Variants in CEP76 observed in about 807,000 individuals in gnomAD.
The protein encoded by CEP76 is centrosomal protein 76, also known as centrosomal protein of 76 kDa.
In CEP76, 55 loss-of-function variants were observed where a neutral mutation model predicts 83.3. The observed-to-expected ratio is 0.66, with a 90% CI of 0.53 to 0.83. The LOEUF is 0.83. CEP76 is among the 40% of genes least tolerant of loss of function. The pLI is 0.00. For missense variants in CEP76, 694 were observed against 799.5 expected, an observed-to-expected ratio of 0.87 and a Z score of 1.59; for synonymous variants, 270 against 274.5, an observed-to-expected ratio of 0.98 and a Z score of 0.16.
chr18:12,702,569 C>G lies in CEP76; in HGVS notation c.-21G>C. On this transcript the variant is annotated 5_prime_UTR_variant, in exon 1 of 12. Coordinates refer to ENST00000262127, the MANE Select transcript of CEP76 (RefSeq NM_024899.4). ...GACATGCTGGCAGCCGGCGTCTCCCCGCCGCTTCTCCCCGCCTCAGATGCC... is the reference window on the plus strand; with the variant it reads ...GACATGCTGGCAGCCGGCGTCTCCCGGCCGCTTCTCCCCGCCTCAGATGCC... The G allele has an allele frequency of 6.3e-7, 1 of 1,587,668 alleles. No individual in the cohort carries two copies. The highest frequency in any genetic ancestry group is 1.1e-5 in the South Asian group (1 of 89,176).
Position 12,701,388 on chromosome 18 carries a change from G to T in CEP76, c.64-275C>A, listed in dbSNP as rs1258364167. Among the ~76,000 whole-genome samples, 3 of 152,284 alleles carry T rather than the reference G, an allele frequency of 2.0e-5. No homozygotes were observed. In the East Asian group the frequency reaches 5.8e-4, roughly 29 times the overall value. On this transcript the variant is annotated intron_variant, in intron 1 of 11. Coordinates refer to ENST00000262127, the MANE Select transcript of CEP76 (RefSeq NM_024899.4). ...AGTATAGTATAATCAGAAGAACACG[G>T]ACTGGGAGTAGGCAGATCAAAGTAT...
chr18:12,680,909 A>C, intron 8 of CEP76, 81 bp from the exon 9 acceptor site: 3 of 1,297,148 alleles, frequency 2.3e-6, no homozygotes, highest in Admixed American at 2.4e-5. Flanking sequence ...TTATAATAAA[A>C]ATTTATTGGC....
downstream of CEP76, among the ~76,000 whole-genome samples, chr18:12,668,836 G>A (rs1340192825): frequency 6.8e-6 from 1 of 147,820 alleles, no homozygotes; most frequent in East Asian, 2.0e-4. Flanking sequence ...CGCCTCCCGG[G>A]TTTAAGCGAT....
At chr18:12,669,238 G>A (rs969332266), downstream of CEP76, among the ~76,000 whole-genome samples, 6 of 151,332 alleles carry the variant, frequency 4.0e-5, no homozygotes, top group Non-Finnish European at 2.9e-5. Flanking sequence ...TCAGCCTCCC[G>A]AGTAGCTGGG....
At chr18:12,669,999 A>C (rs2038902337), downstream of CEP76, among the ~76,000 whole-genome samples, 1 of 150,510 alleles carries the variant, frequency 6.6e-6, no homozygotes, top group African/African-American at 2.5e-5. Context: ...CTGTCTCAAA[A>C]AAAAAAAGAA....
At chr18:12,672,537 T>C (rs1262343664), downstream of CEP76, 1 of 436,704 alleles carries the variant, frequency 2.3e-6, no homozygotes, top group Non-Finnish European at 3.0e-6. Flanking sequence ...ACATATATGC[T>C]GATTTTTTTA....
chr18:12,686,182 G>C, intron 8 of CEP76, 80 bp downstream of exon 8: 1 of 1,169,344 alleles, frequency 8.6e-7, no homozygotes, highest in Non-Finnish European at 1.2e-6. Flanking sequence ...ATTTTTCTAA[G>C]GCATTCTTTT....
Position 12,678,275 on chromosome 18 carries a change from G to A in CEP76, c.1457C>T (p.Ser486Phe). Reference sequence around the variant, plus strand: ...TTCCTCACTCATGGGTTTCCATTTGGATTCATCGTTCAAATCAAATACACA... The same window carrying A: ...TTCCTCACTCATGGGTTTCCATTTGAATTCATCGTTCAAATCAAATACACA... ...ETCVFDLNDE[S>F]KWKPMSEEAI... The change falls in exon 10 of 12, where the codon TCC becomes TTC. Residue 486 changes from serine to phenylalanine, a missense_variant. Physicochemically the swap from Ser to Phe is radical, Grantham distance 155. Coordinates refer to ENST00000262127, the MANE Select transcript of CEP76 (RefSeq NM_024899.4). The A allele has an allele frequency of 1.2e-6, 2 of 1,614,140 alleles. No individual in the cohort carries two copies. The highest frequency in any genetic ancestry group is 8.5e-7 in the Non-Finnish European group (1 of 1,180,032).
intron 10 of CEP76, 78 bp from the exon 11 acceptor site, chr18:12,674,831 T>C: frequency 1.2e-6 from 1 of 804,448 alleles, no homozygotes; most frequent in Non-Finnish European, 1.9e-6. Flanking sequence ...ATGTTGATTA[T>C]TTTAATGTAT....
At chr18:12,691,763 T>C (rs2039772368) in intron 6 of CEP76, among the ~76,000 whole-genome samples, 1 of 151,558 alleles carries the variant, frequency 6.6e-6, no homozygotes, top group Non-Finnish European at 1.5e-5. Flanking sequence ...TCGCCCAGGC[T>C]GGAGTGCAGT....
At chr18:12,683,988 T>TATATATATGATATATATC (rs1200276157) in intron 8 of CEP76, among the ~76,000 whole-genome samples, 2 of 150,250 alleles carry the variant, frequency 1.3e-5, no homozygotes, top group Non-Finnish European at 3.0e-5. Context: ...AAAATCTAAA[T>TATATATATGATATATATC]ATATATATGA....
chr18:12,663,950 A>G (rs575771334), intron 12 of CEP76, among the ~76,000 whole-genome samples: 1 of 152,234 alleles, frequency 6.6e-6, no homozygotes, highest in Non-Finnish European at 1.5e-5. Flanking sequence ...AGATCACCTG[A>G]GGTTGGGAGT....
chr18:12,702,353 C>G, intron 1 of CEP76, 133 bp downstream of exon 1: 1 of 684,786 alleles, frequency 1.5e-6, no homozygotes, highest in South Asian at 1.6e-5. Flanking sequence ...GCTCTGCCTA[C>G]TCTGCGTTGC....
chr18:12,691,107 T>G (rs2039742837), intron 7 of CEP76: 1 of 340,944 alleles, frequency 2.9e-6, no homozygotes, highest in African/African-American at 2.1e-5. Context: ...TAAAACACAA[T>G]AATTGATTCA....
chr18:12,683,300 C>T (rs376885010), intron 8 of CEP76, among the ~76,000 whole-genome samples: 4 of 150,418 alleles, frequency 2.7e-5, no homozygotes, highest in South Asian at 2.1e-4. Flanking sequence ...TGCAGTGAGT[C>T]GAGATCGTGA....
chr18:12,697,946 CTT>C (rs2040012893), intron 4 of CEP76, among the ~76,000 whole-genome samples: 2 of 152,132 alleles, frequency 1.3e-5, no homozygotes, highest in African/African-American at 4.8e-5. Context: ...CATTCTGAAA[CTT>C]TGCTTAGTTT....
At position 12,672,652 on chromosome 18, in the gene CEP76, T is replaced by C. The variant is rs1192721304; in HGVS notation, c.*713A>G. 1.0e-6 allele frequency: 1 copy of C among 982,492 alleles called. No homozygotes were observed. Among genetic ancestry groups the C allele is most frequent in the African/African-American group, 1.7e-5 (1 of 57,154 alleles). 60.9% of individuals were successfully genotyped at this position (982,492 alleles called of 1,614,324 possible). ...AGTGATCGACTGCAAGATCACAATT[T>C]ATCAGTATCATAACAAAGAGGTATA... On this transcript the variant is annotated 3_prime_UTR_variant, in exon 12 of 12. Coordinates refer to ENST00000262127, the MANE Select transcript of CEP76 (RefSeq NM_024899.4).
chr18:12,702,718 G>C lies in CEP76; in HGVS notation c.-170C>G. The C allele has an allele frequency of 1.4e-6, 1 of 690,364 alleles. No homozygotes were observed. The highest frequency in any genetic ancestry group is 2.3e-6 in the Non-Finnish European group (1 of 433,878). The allele number at this position is 690,364 out of a possible 1,614,324, so 42.8% of individuals were successfully genotyped here. A position where few individuals can be genotyped will look rare whatever the true frequency, so the allele number is the denominator to read the frequency against. On this transcript the variant is annotated 5_prime_UTR_variant, in exon 1 of 12. Transcript: ENST00000262127. ...GCCGCGTCAGGCCGGGGGCTGACCTGGAAATGAGGCCCCGGCGGCGGCGGC... is the reference window on the plus strand; with the variant it reads ...GCCGCGTCAGGCCGGGGGCTGACCTCGAAATGAGGCCCCGGCGGCGGCGGC...
At chr18:12,702,314 C>G in intron 1 of CEP76, 172 bp downstream of exon 1, 1 of 559,984 alleles carries the variant, frequency 1.8e-6, no homozygotes, top group Non-Finnish European at 3.1e-6. Context: ...TTCTCGGAGA[C>G]GAGGACGCTC....
Sources: allele counts gnomAD v4.1 joint callset (sites outside exome capture counted in the v4.1 genomes callset), GRCh38; gene constraint gnomAD v4.1.1; transcripts MANE v1.5; gene names NCBI Gene and HGNC (gene_info 2026-07-23, HGNC 2026-07-21).